GRM7: variants seen among roughly 807,000 people sequenced by gnomAD.
GRM7 encodes glutamate metabotropic receptor 7.
GRM7 carries 35 observed loss-of-function variants against 84.5 expected under a neutral mutation model. The observed-to-expected ratio is 0.41, with a 90% CI of 0.32 to 0.55. GRM7 has a LOEUF of 0.55. Ranked by LOEUF, GRM7 falls within the 20% of genes least tolerant of loss-of-function variation. The pLI is 0.19. For missense variants in GRM7, 1,003 were observed against 1,194.6 expected, an observed-to-expected ratio of 0.84 and a Z score of 2.36; for synonymous variants, 487 against 455.1, an observed-to-expected ratio of 1.07 and a Z score of -0.89.
chr3:6,939,871 A>G (rs756201933), intron 1 of GRM7, among the ~76,000 whole-genome samples: 1 of 152,074 alleles, frequency 6.6e-6, no homozygotes, highest in Non-Finnish European at 1.5e-5. Flanking sequence ...CCCATATTCT[A>G]GGCTACTACT....
intron 4 of GRM7, among the ~76,000 whole-genome samples, chr3:7,407,407 A>T (rs562399084): frequency 6.6e-6 from 1 of 152,324 alleles, no homozygotes; most frequent in South Asian, 2.1e-4. Context: ...ACATGACTGC[A>T]CATAGCATAG....
chr3:7,256,331 T>C (rs1010221952), intron 2 of GRM7, among the ~76,000 whole-genome samples: 7 of 152,236 alleles, frequency 4.6e-5, no homozygotes, highest in African/African-American at 1.7e-4. Flanking sequence ...GTCCATTAGG[T>C]GTTCAATAAG....
chr3:7,542,587 C>T (rs1692937734), intron 7 of GRM7, among the ~76,000 whole-genome samples: 2 of 145,348 alleles, frequency 1.4e-5, no homozygotes, highest in South Asian at 2.2e-4. Flanking sequence ...CTCACTCTGT[C>T]GCCAGACTGG....
In GRM7 at chr3:7,146,441, T is replaced by C. The variant is rs150903339; in HGVS notation, c.520-11T>C. ...GGTGCACTCTCACGTGGTGCTTTCT[T>C]GTCTTTGCAGATCCCCCAGATTAGT... On this transcript the variant is annotated splice_polypyrimidine_tract_variant and intron_variant, in intron 1 of 9. Coordinates refer to ENST00000357716, the MANE Select transcript of GRM7 (RefSeq NM_000844.4). 2.5e-6 allele frequency: 4 copies of C among 1,604,018 alleles called. No homozygotes were observed. Among genetic ancestry groups the C allele is most frequent in the Non-Finnish European group, 3.4e-6 (4 of 1,171,800 alleles).
At chr3:7,247,230 T>G (rs978116060) in intron 2 of GRM7, among the ~76,000 whole-genome samples, 1 of 152,080 alleles carries the variant, frequency 6.6e-6, no homozygotes, top group African/African-American at 2.4e-5. Context: ...TTCATGACTT[T>G]GGGTGAGCAA....
chr3:7,720,605 A>G (rs1701912990), intron 9 of GRM7, among the ~76,000 whole-genome samples: 1 of 152,234 alleles, frequency 6.6e-6, no homozygotes, highest in African/African-American at 2.4e-5. Flanking sequence ...GTGCTCCCTG[A>G]GCACTTTACA....
intron 2 of GRM7, among the ~76,000 whole-genome samples, chr3:7,236,687 T>C (rs1559518571): frequency 6.6e-6 from 1 of 152,198 alleles, no homozygotes; most frequent in Non-Finnish European, 1.5e-5. Context: ...GCCAGGTTAG[T>C]ACCCTCACCA....
chr3:7,071,589 T>C lies in GRM7; in HGVS notation c.520-74863T>C, dbSNP rs554427921. Among the ~76,000 whole-genome samples, 135 of 152,018 alleles carry C rather than the reference T, an allele frequency of 8.9e-4. 1 individual carries two copies. The highest frequency in any genetic ancestry group is 3.0e-3 in the African/African-American group (126 of 41,480). On this transcript the variant is annotated intron_variant, in intron 1 of 9. Transcript: ENST00000357716. ...GATTAACAGCTACTGTCCCCCAAAC[T>C]GAGGATAGAAAGATGTGTCACCAAA...
At position 7,402,887 on chromosome 3, in the gene GRM7, C is replaced by T. The variant is rs1312182663; in HGVS notation, c.1034-12136C>T. On this transcript the variant is annotated intron_variant, in intron 4 of 9. Coordinates refer to ENST00000357716, the MANE Select transcript of GRM7 (RefSeq NM_000844.4). ...TTCCTTCAAAAGGTTGCTTTCTTTTCCCCTCAATCATTAGGTGGTGGCTGA... is the reference window on the plus strand; with the variant it reads ...TTCCTTCAAAAGGTTGCTTTCTTTTTCCCTCAATCATTAGGTGGTGGCTGA... Among the ~76,000 whole-genome samples the T allele has an allele frequency of 2.6e-5, 4 of 151,016 alleles. No individual in the cohort carries two copies. In the East Asian group the frequency reaches 7.8e-4, roughly 29 times the overall value.
At chr3:7,259,702 A>G (rs1559534052) in intron 2 of GRM7, among the ~76,000 whole-genome samples, 1 of 152,148 alleles carries the variant, frequency 6.6e-6, no homozygotes, top group Non-Finnish European at 1.5e-5. Context: ...TGGGCATATA[A>G]GTTGATTCCA....
chr3:7,183,047 C>A (rs753045385), intron 2 of GRM7, among the ~76,000 whole-genome samples: 4 of 151,946 alleles, frequency 2.6e-5, no homozygotes, highest in Non-Finnish European at 5.9e-5. Flanking sequence ...CGCTGGGCAT[C>A]AAAATGAATT....
chr3:7,276,601 T>A (rs1699066572), intron 2 of GRM7, among the ~76,000 whole-genome samples: 1 of 151,946 alleles, frequency 6.6e-6, no homozygotes, highest in Admixed American at 6.6e-5. Context: ...GGATATACTT[T>A]TAAAATCCTA....
chr3:7,208,750 T>C (rs1043008795), intron 2 of GRM7, among the ~76,000 whole-genome samples: 4 of 152,160 alleles, frequency 2.6e-5, no homozygotes, highest in African/African-American at 9.7e-5. Context: ...GTGGTATTAC[T>C]CCATACTGCT....
chr3:7,514,733 T>A (rs1700317844), intron 7 of GRM7, among the ~76,000 whole-genome samples: 2 of 152,184 alleles, frequency 1.3e-5, no homozygotes, highest in Non-Finnish European at 2.9e-5. Context: ...CATACATCAA[T>A]GCGTGGTGCA....
intron 8 of GRM7, among the ~76,000 whole-genome samples, chr3:7,598,753 T>C (rs6766742): frequency 0.1 from 15,311 of 152,220 alleles, 941 homozygotes; most frequent in African/African-American, 0.17. Flanking sequence ...AGATACTTCT[T>C]GACAGCACAG....
intron 2 of GRM7, among the ~76,000 whole-genome samples, chr3:7,204,473 C>T (rs1036487162): frequency 1.3e-4 from 20 of 152,332 alleles, no homozygotes; most frequent in African/African-American, 4.6e-4. Context: ...TTGGCTTAGC[C>T]TTGCATTCCT....
At chr3:7,199,890 G>A (rs151078763) in intron 2 of GRM7, among the ~76,000 whole-genome samples, 1 of 152,056 alleles carries the variant, frequency 6.6e-6, no homozygotes, top group African/African-American at 2.4e-5. Context: ...CTTCTGTCTT[G>A]GTCCATTTTG....
chr3:7,736,261 A>G (rs1040460515), intron 9 of GRM7, among the ~76,000 whole-genome samples: 2 of 152,156 alleles, frequency 1.3e-5, no homozygotes, highest in East Asian at 3.8e-4. Context: ...TTAGATATCA[A>G]TCTTTTGTCA....
chr3:7,722,414 G>A (rs1701981877), intron 9 of GRM7, among the ~76,000 whole-genome samples: 1 of 150,994 alleles, frequency 6.6e-6, no homozygotes, highest in Non-Finnish European at 1.5e-5. Context: ...AACTTGGCCA[G>A]GGTCATACAG....
Sources: allele counts gnomAD v4.1 joint callset (sites outside exome capture counted in the v4.1 genomes callset), GRCh38; gene constraint gnomAD v4.1.1; transcripts MANE v1.5; gene names NCBI Gene and HGNC (gene_info 2026-07-23, HGNC 2026-07-21).